Variants in ARSJ observed in about 807,000 individuals in gnomAD.
ARSJ encodes arylsulfatase J.
ARSJ carries 26 observed loss-of-function variants against 35.9 expected under a neutral mutation model. That is an observed-to-expected ratio of 0.72 (90% CI 0.53 to 1.00). The LOEUF (loss-of-function observed/expected upper bound fraction) is 1.00. Among genes scored for constraint, ARSJ ranks in the 50% least tolerant of loss-of-function variants. The pLI is 0.00. For synonymous variants in ARSJ, 294 were observed against 267.6 expected, an observed-to-expected ratio of 1.10 and a Z score of -0.96; for missense variants, 667 against 723.6, an observed-to-expected ratio of 0.92 and a Z score of 0.90.
chr4:113,911,352 G>T (rs1020912347), intron 1 of ARSJ, among the ~76,000 whole-genome samples: 5 of 152,146 alleles, frequency 3.3e-5, no homozygotes, highest in African/African-American at 1.2e-4. Flanking sequence ...GGAAGTCACA[G>T]AATACTTTTG....
intron 1 of ARSJ, among the ~76,000 whole-genome samples, chr4:113,921,853 C>A (rs1022857100): frequency 2.2e-4 from 33 of 152,196 alleles, no homozygotes; most frequent in Middle Eastern, 6.8e-3. Context: ...GCACAACAAC[C>A]AAGAATGGAA....
chr4:113,928,067 C>T (rs1724191531), intron 1 of ARSJ, among the ~76,000 whole-genome samples: 1 of 152,048 alleles, frequency 6.6e-6, no homozygotes, highest in Admixed American at 6.6e-5. Flanking sequence ...CACATTGGAC[C>T]CTCTGTAAGT....
chr4:113,957,488 G>A (rs371494161), intron 1 of ARSJ, among the ~76,000 whole-genome samples: 6 of 152,054 alleles, frequency 3.9e-5, no homozygotes, highest in South Asian at 2.1e-4. Flanking sequence ...CTTTAAAGTC[G>A]TTTTTTCTGA....
chr4:113,969,313 C>G (rs969367460), intron 1 of ARSJ, among the ~76,000 whole-genome samples: 6 of 151,978 alleles, frequency 3.9e-5, no homozygotes, highest in African/African-American at 1.5e-4. Context: ...ATGCAGAACA[C>G]CATGCCAGAT....
At chr4:113,963,469 A>T (rs1726691802) in intron 1 of ARSJ, among the ~76,000 whole-genome samples, 1 of 151,990 alleles carries the variant, frequency 6.6e-6, no homozygotes, top group African/African-American at 2.4e-5. Context: ...TTATAAAACC[A>T]GCAGATCTTG....
At chr4:113,922,347 TA>T (rs1257558301) in intron 1 of ARSJ, among the ~76,000 whole-genome samples, 1 of 152,218 alleles carries the variant, frequency 6.6e-6, no homozygotes, top group Non-Finnish European at 1.5e-5. Flanking sequence ...TTAATTTTCA[TA>T]TTTGATATGT....
chr4:113,979,145 C>T lies in ARSJ; in HGVS notation c.-311G>A, dbSNP rs1727780864. 2 of 237,672 alleles carry T rather than the reference C, an allele frequency of 8.4e-6. No individual in the cohort carries two copies. The highest frequency in any genetic ancestry group is 1.6e-5 in the Non-Finnish European group (2 of 122,152). 14.7% of individuals were successfully genotyped at this position (237,672 alleles called of 1,614,324 possible). On this transcript the variant is annotated 5_prime_UTR_variant, in exon 1 of 2. Transcript: ENST00000315366. ...AAGTTAATATCTCCACCCAAAAGTT[C>T]TCTGGAGAAAAAAACCAAGCAAGGA...
intron 1 of ARSJ, among the ~76,000 whole-genome samples, chr4:113,956,655 G>GT (rs924949749): frequency 1.1e-4 from 16 of 152,196 alleles, no homozygotes; most frequent in African/African-American, 3.6e-4. Flanking sequence ...AGGATAAATT[G>GT]TATCTTCACA....
At chr4:113,959,183 T>G (rs1444289060) in intron 1 of ARSJ, among the ~76,000 whole-genome samples, 1 of 152,084 alleles carries the variant, frequency 6.6e-6, no homozygotes. Context: ...GACATTTTTC[T>G]GAATGGCTCA....
intron 1 of ARSJ, among the ~76,000 whole-genome samples, chr4:113,923,061 G>A (rs79283293): frequency 0.024 from 3,618 of 152,166 alleles, 174 homozygotes; most frequent in East Asian, 0.21. Flanking sequence ...GAATTCTGCC[G>A]GCAGGTTGCC....
chr4:113,939,764 T>C (rs1260839546), intron 1 of ARSJ, among the ~76,000 whole-genome samples: 1 of 152,112 alleles, frequency 6.6e-6, no homozygotes, highest in African/African-American at 2.4e-5. Context: ...GGTTGTTTTT[T>C]TGTTTGTTTT....
chr4:113,933,344 C>A (rs1724573168), intron 1 of ARSJ, among the ~76,000 whole-genome samples: 1 of 151,852 alleles, frequency 6.6e-6, no homozygotes, highest in African/African-American at 2.4e-5. Context: ...TATTAAAGCT[C>A]ATGCTACCAG....
Position 113,902,659 on chromosome 4 carries a change from A to G in ARSJ, c.1415T>C (p.Phe472Ser). The change falls in exon 2 of 2, where the codon TTC becomes TCC. Residue 472 changes from phenylalanine (F) to serine (S), a missense_variant. By Grantham distance (155) the Phe-to-Ser change is radical. Transcript: ENST00000315366. ...GYSDWVPPQS[F>S]SNLGPNRWHN... ...CCACCGGTTCGGTCCCAGGTTGCTG[A>G]AAGACTGAGGGGGGACCCAGTCGCT... 6.2e-7 allele frequency: 1 copy of G among 1,614,166 alleles called. No individual in the cohort carries two copies. Among genetic ancestry groups the G allele is most frequent in the Non-Finnish European group, 8.5e-7 (1 of 1,180,022 alleles).
At chr4:113,937,050 ATTAT>A in intron 1 of ARSJ, among the ~76,000 whole-genome samples, 1 of 152,022 alleles carries the variant, frequency 6.6e-6, no homozygotes, top group South Asian at 2.1e-4. Context: ...AGTATAGGCC[ATTAT>A]TTATTAATAA....
chr4:113,963,323 G>T (rs988122196), intron 1 of ARSJ, among the ~76,000 whole-genome samples: 1 of 152,032 alleles, frequency 6.6e-6, no homozygotes, highest in Admixed American at 6.6e-5. Context: ...AAGGAAAGAG[G>T]TTTAATTGAC....
chr4:113,907,039 C>G (rs1318863428), intron 1 of ARSJ, among the ~76,000 whole-genome samples: 1 of 152,144 alleles, frequency 6.6e-6, no homozygotes, highest in Non-Finnish European at 1.5e-5. Flanking sequence ...TCAACCTGCC[C>G]CACCAGGCTG....
At chr4:113,904,441 C>G (rs1192504430) in intron 1 of ARSJ, among the ~76,000 whole-genome samples, 1 of 152,146 alleles carries the variant, frequency 6.6e-6, no homozygotes, top group Non-Finnish European at 1.5e-5. Flanking sequence ...ACTAAAAATA[C>G]AAGGAAAAAT....
chr4:113,955,546 G>A (rs145600879), intron 1 of ARSJ, among the ~76,000 whole-genome samples: 285 of 152,020 alleles, frequency 1.9e-3, no homozygotes, highest in African/African-American at 6.3e-3. Context: ...GGATGCAGTC[G>A]GACTGGTTTT....
chr4:113,927,618 G>T (rs899683217), intron 1 of ARSJ, among the ~76,000 whole-genome samples: 2 of 152,164 alleles, frequency 1.3e-5, no homozygotes, highest in East Asian at 3.9e-4. Context: ...CCAAGTCAGT[G>T]GCTGCATACC....
Sources: gnomAD v4.1 joint callset for allele counts (sites outside exome capture counted in the v4.1 genomes callset) on GRCh38, gnomAD v4.1.1 for gene constraint, MANE v1.5 for transcripts, NCBI Gene and HGNC (gene_info 2026-07-23, HGNC 2026-07-21) for gene names.